TAS2R1: variants seen among roughly 807,000 people sequenced by gnomAD.
TAS2R1 encodes taste receptor type 2 member 1.
For synonymous variants in TAS2R1, 141 were observed against 134.2 expected, an observed-to-expected ratio of 1.05 and a Z score of -0.35; for missense variants, 370 against 353.4, an observed-to-expected ratio of 1.05 and a Z score of -0.38.
intron 1 of TAS2R1, among the ~76,000 whole-genome samples, chr5:9,707,436 T>G (rs1741639208): frequency 6.6e-6 from 1 of 152,158 alleles, no homozygotes; most frequent in Non-Finnish European, 1.5e-5. Flanking sequence ...CTATTTGACC[T>G]GAAGAAAACA....
At chr5:9,893,198 G>T in the TAS2R1 span, among the ~76,000 whole-genome samples, 26,621 of 149,072 alleles carry the variant, frequency 0.18, 2,542 homozygotes, top group Non-Finnish European at 0.23. Flanking sequence ...TGATGTCTTG[G>T]TTGCCCCAGC....
the TAS2R1 span, among the ~76,000 whole-genome samples, chr5:9,846,441 G>T: frequency 6.6e-6 from 1 of 152,106 alleles, no homozygotes; most frequent in Non-Finnish European, 1.5e-5. Context: ...GTGTCTCCCG[G>T]ACACGCTATT....
At chr5:9,766,933 T>G in the TAS2R1 span, among the ~76,000 whole-genome samples, 1 of 152,178 alleles carries the variant, frequency 6.6e-6, no homozygotes, top group Non-Finnish European at 1.5e-5. Flanking sequence ...TGATCACTGA[T>G]GCTGGCATGC....
intron 1 of TAS2R1, among the ~76,000 whole-genome samples, chr5:9,709,834 T>C (rs1386715489): frequency 4.6e-5 from 7 of 152,152 alleles, no homozygotes; most frequent in South Asian, 2.1e-4. Context: ...TCCTTACCCA[T>C]AGAAAATGTG....
chr5:9,704,588 G>A lies in TAS2R1; in HGVS notation c.-242+7584C>T, dbSNP rs61479840. Among the ~76,000 whole-genome samples, 538 of 152,182 alleles carry A rather than the reference G, an allele frequency of 3.5e-3. 6 individuals carry two copies. Among genetic ancestry groups the A allele is most frequent in the African/African-American group, 0.012 (513 of 41,514 alleles). On this transcript the variant is annotated intron_variant, in intron 1 of 2. Transcript: ENST00000506620. ...GCAGAAACATACAGATTTCAAAAAG[G>A]ATAAGGAAAAATAATGGACAGATGA...
the TAS2R1 span, among the ~76,000 whole-genome samples, chr5:9,815,426 G>A: frequency 1.3e-5 from 2 of 152,194 alleles, no homozygotes; most frequent in African/African-American, 4.8e-5. Context: ...TAGATAAGCA[G>A]ATGATAGATG....
chr5:9,691,189 A>G (rs1219032029), intron 1 of TAS2R1, among the ~76,000 whole-genome samples: 1 of 152,180 alleles, frequency 6.6e-6, no homozygotes, highest in Non-Finnish European at 1.5e-5. Flanking sequence ...CTCATAAGAG[A>G]CATTCAGAGG....
At chr5:9,756,789 C>A in the TAS2R1 span, among the ~76,000 whole-genome samples, 1 of 152,112 alleles carries the variant, frequency 6.6e-6, no homozygotes, top group African/African-American at 2.4e-5. Context: ...AGATTTGGGG[C>A]ACTTGATTTT....
chr5:9,785,978 T>C, the TAS2R1 span, among the ~76,000 whole-genome samples: 48 of 152,354 alleles, frequency 3.2e-4, no homozygotes, highest in African/African-American at 1.0e-3. Flanking sequence ...AGCCAAAAAG[T>C]AAACAAAAAA....
At chr5:9,846,314 A>G in the TAS2R1 span, among the ~76,000 whole-genome samples, 1 of 152,204 alleles carries the variant, frequency 6.6e-6, no homozygotes, top group Non-Finnish European at 1.5e-5. Context: ...TTTCTGAGCA[A>G]GAGAAAAGTT....
intron 1 of TAS2R1, among the ~76,000 whole-genome samples, chr5:9,687,270 G>A (rs1263947808): frequency 6.6e-6 from 1 of 152,186 alleles, no homozygotes; most frequent in Admixed American, 6.5e-5. Context: ...GCGCCCAGCT[G>A]TCTTCCTGTA....
the TAS2R1 span, among the ~76,000 whole-genome samples, chr5:9,899,925 G>T: frequency 1.3e-5 from 2 of 152,118 alleles, no homozygotes; most frequent in African/African-American, 4.8e-5. Context: ...AATCGATTTG[G>T]TTGTTCCCAG....
chr5:9,775,688 G>A, the TAS2R1 span, among the ~76,000 whole-genome samples: 1 of 152,094 alleles, frequency 6.6e-6, no homozygotes, highest in Non-Finnish European at 1.5e-5. Flanking sequence ...TTCCCTTCAA[G>A]GCAGTGGGTT....
intron 1 of TAS2R1, among the ~76,000 whole-genome samples, chr5:9,695,278 A>G (rs1409311225): frequency 6.6e-6 from 1 of 152,170 alleles, no homozygotes; most frequent in Non-Finnish European, 1.5e-5. Context: ...GAAAGCCTCA[A>G]TTCCCTTCTC....
chr5:9,640,850 C>T (rs1009927518), intron 2 of TAS2R1, among the ~76,000 whole-genome samples: 4 of 151,962 alleles, frequency 2.6e-5, no homozygotes, highest in East Asian at 3.9e-4. Flanking sequence ...TAAATATTAC[C>T]AGAGGAAAAA....
chr5:9,753,018 T>C, the TAS2R1 span, among the ~76,000 whole-genome samples: 1 of 152,222 alleles, frequency 6.6e-6, no homozygotes, highest in African/African-American at 2.4e-5. Context: ...TACGTGTGCA[T>C]GTGTCTTTAT....
rs540209137 is a variant in TAS2R1 at position 9,627,417 on chromosome 5, C to T, written c.*1716G>A. Among the ~76,000 whole-genome samples the T allele has an allele frequency of 2.6e-5, 4 of 151,090 alleles. No individual in the cohort carries two copies. Among genetic ancestry groups the T allele is most frequent in the Non-Finnish European group, 5.9e-5 (4 of 67,988 alleles). On this transcript the variant is annotated 3_prime_UTR_variant, in exon 1 of 1. Transcript: ENST00000382492. ...CTTGATAACAGTATAAAAACCTAGT[C>T]ATATCTTAATAGTTATCTAATTAGC...
the TAS2R1 span, among the ~76,000 whole-genome samples, chr5:9,735,337 T>C: frequency 1.3e-5 from 2 of 151,454 alleles, no homozygotes; most frequent in East Asian, 3.8e-4. Context: ...AGAATCTACT[T>C]TAAGTAACAA....
the TAS2R1 span, among the ~76,000 whole-genome samples, chr5:9,850,016 C>A: frequency 6.6e-6 from 1 of 152,224 alleles, no homozygotes; most frequent in Admixed American, 6.5e-5. Context: ...AAGTCCCACT[C>A]AAGCACTCCA....
Sources: allele counts gnomAD v4.1 joint callset (sites outside exome capture counted in the v4.1 genomes callset), GRCh38; gene constraint gnomAD v4.1.1; transcripts MANE v1.5; gene names NCBI Gene and HGNC (gene_info 2026-07-23, HGNC 2026-07-21).